The following FRMD6 variants were observed in gnomAD, a reference collection of about 807,000 sequenced individuals.
FRMD6 encodes the protein FERM domain-containing protein 6.
A neutral mutation model predicts 73.2 loss-of-function variants in FRMD6; 37 were observed. The ratio of observed to expected loss-of-function variants is 0.51; its 90% CI spans 0.39 to 0.66. The LOEUF (loss-of-function observed/expected upper bound fraction) is 0.66, where lower values mean the gene tolerates loss of function less well. FRMD6 is among the 30% of genes least tolerant of loss of function. The pLI, the probability that FRMD6 is intolerant of heterozygous loss-of-function variation, is 0.00. For missense variants in FRMD6, 714 were observed against 780.5 expected (o/e 0.91, Z 1.02); for synonymous variants, 273 against 282.2 (o/e 0.97, Z 0.33).
At chr14:51,549,890 C>A (rs570880171) in intron 1 of FRMD6, among the ~76,000 whole-genome samples, 3 of 152,294 alleles carry the variant, frequency 2.0e-5, no homozygotes, top group African/African-American at 7.2e-5. Flanking sequence ...CCACCGCGCC[C>A]GGCCAGCTGG....
chr14:51,597,809 T>C (rs1396255043), intron 2 of FRMD6, among the ~76,000 whole-genome samples: 1 of 152,174 alleles, frequency 6.6e-6, no homozygotes. Flanking sequence ...AATTCCAAGG[T>C]CTAGCACTCA....
intron 2 of FRMD6, among the ~76,000 whole-genome samples, chr14:51,641,857 C>T (rs1484984000): frequency 3.3e-5 from 5 of 152,144 alleles, no homozygotes; most frequent in Admixed American, 6.6e-5. Flanking sequence ...CCCTCCTCCC[C>T]GCTTTCCCCA....
the FRMD6 span, among the ~76,000 whole-genome samples, chr14:51,462,335 G>C: frequency 6.6e-6 from 1 of 152,210 alleles, no homozygotes; most frequent in African/African-American, 2.4e-5. Flanking sequence ...ATACAAATGA[G>C]TGGATGTATG....
At chr14:51,410,644 T>G in the FRMD6 span, among the ~76,000 whole-genome samples, 3 of 152,190 alleles carry the variant, frequency 2.0e-5, no homozygotes, top group Non-Finnish European at 4.4e-5. Flanking sequence ...TTAGAAACAT[T>G]TTAGAATAAA....
At chr14:51,673,190 TGC>T in intron 1 of FRMD6, among the ~76,000 whole-genome samples, 1 of 152,284 alleles carries the variant, frequency 6.6e-6, no homozygotes, top group African/African-American at 2.4e-5. Flanking sequence ...ATGAGAACTA[TGC>T]CCAGCTCTAT....
chr14:51,621,389 C>T (rs1163066591), intron 2 of FRMD6, among the ~76,000 whole-genome samples: 1 of 152,210 alleles, frequency 6.6e-6, no homozygotes, highest in African/African-American at 2.4e-5. Context: ...TGAACTGACA[C>T]AGTGTGACCA....
At position 51,507,024 on chromosome 14, in the gene FRMD6, G is replaced by A. The variant is rs17124037; in HGVS notation, c.-210+17604G>A. Among the ~76,000 whole-genome samples the A allele has an allele frequency of 3.1e-3, 461 of 149,868 alleles. 2 individuals are homozygous for A. The highest frequency in any genetic ancestry group is 0.011 in the African/African-American group (443 of 40,864). ...TAATTGTGCTTGTTCCCAGTTGATG[G>A]TTTCTTTACACCGTTCTATATTTTC... On this transcript the variant is annotated intron_variant, in intron 1 of 14. Coordinates refer to the FRMD6 transcript ENST00000356218.
At chr14:51,573,288 G>A (rs895972392) in intron 2 of FRMD6, among the ~76,000 whole-genome samples, 3 of 152,144 alleles carry the variant, frequency 2.0e-5, no homozygotes, top group African/African-American at 7.2e-5. Flanking sequence ...GAAAGCAGGG[G>A]TTATAGGCCA....
the FRMD6 span, among the ~76,000 whole-genome samples, chr14:51,412,950 C>A: frequency 6.6e-6 from 1 of 151,634 alleles, no homozygotes; most frequent in Non-Finnish European, 1.5e-5. Context: ...GGTGACTGCA[C>A]CTGTAAAGAT....
chr14:51,444,140 G>T, the FRMD6 span, among the ~76,000 whole-genome samples: 2,060 of 152,262 alleles, frequency 0.014, 21 homozygotes, highest in Non-Finnish European at 0.019. Flanking sequence ...TGTTGACCAG[G>T]CTGGTCTCGA....
chr14:51,436,117 C>T, the FRMD6 span: 8 of 234,356 alleles, frequency 3.4e-5, no homozygotes, highest in Admixed American at 1.7e-4. Flanking sequence ...CCAGAGAAGA[C>T]ATTGACTTCT....
chr14:51,609,315 T>C (rs543814634), intron 2 of FRMD6, among the ~76,000 whole-genome samples: 1 of 152,352 alleles, frequency 6.6e-6, no homozygotes, highest in African/African-American at 2.4e-5. Context: ...TTCCAAGTTA[T>C]GGTTTGGAGT....
intron 1 of FRMD6, among the ~76,000 whole-genome samples, chr14:51,505,865 C>T (rs1460982967): frequency 6.6e-6 from 1 of 152,208 alleles, no homozygotes; most frequent in Non-Finnish European, 1.5e-5. Context: ...AGTTTCTTCA[C>T]ACAGCCAATT....
At chr14:51,418,009 T>G in the FRMD6 span, among the ~76,000 whole-genome samples, 1 of 152,184 alleles carries the variant, frequency 6.6e-6, no homozygotes, top group African/African-American at 2.4e-5. Context: ...CATCAGGTCA[T>G]TTAAGGTCTT....
the FRMD6 span, among the ~76,000 whole-genome samples, chr14:51,455,859 A>G: frequency 6.6e-6 from 1 of 152,226 alleles, no homozygotes; most frequent in Non-Finnish European, 1.5e-5. Flanking sequence ...TAAAAGCCAG[A>G]TAGATGCAAA....
At chr14:51,577,726 C>G (rs1888483792) in intron 2 of FRMD6, among the ~76,000 whole-genome samples, 2 of 152,144 alleles carry the variant, frequency 1.3e-5, no homozygotes, top group African/African-American at 2.4e-5. Context: ...GAGTATAGAG[C>G]TATACTCACT....
Position 51,595,145 on chromosome 14 carries a change from G to A in FRMD6, c.-147+24735G>A, listed in dbSNP as rs148990700. Among the ~76,000 whole-genome samples, 106 of 152,222 alleles carry A rather than the reference G, an allele frequency of 7.0e-4. No individual in the cohort carries two copies. The East Asian group carries it at 0.02, about 28-fold the overall frequency. ...TGAGCCAAAACTCTTGGAATAGGTG[G>A]ACTAAGTAGATGCTTAAGCAATGTG... On this transcript the variant is annotated intron_variant, in intron 2 of 14. Transcript: ENST00000356218.
intron 1 of FRMD6, among the ~76,000 whole-genome samples, chr14:51,510,332 C>G (rs1045295362): frequency 4.6e-5 from 7 of 152,212 alleles, no homozygotes; most frequent in African/African-American, 1.4e-4. Context: ...ATTTTGCTGA[C>G]TCTAAGGCCC....
At chr14:51,666,181 A>G (rs1364142578) in intron 1 of FRMD6, among the ~76,000 whole-genome samples, 1 of 152,232 alleles carries the variant, frequency 6.6e-6, no homozygotes, top group African/African-American at 2.4e-5. Flanking sequence ...TGTTAGTAAC[A>G]TTTATATAAT....
Sources: gnomAD v4.1 joint callset for allele counts (sites outside exome capture counted in the v4.1 genomes callset) on GRCh38, gnomAD v4.1.1 for gene constraint, MANE v1.5 for transcripts, NCBI Gene and HGNC (gene_info 2026-07-23, HGNC 2026-07-21) for gene names.